The following CAMTA1 variants were observed in gnomAD, a reference collection of about 807,000 sequenced individuals.
CAMTA1 encodes the protein calmodulin-binding transcription activator 1.
In CAMTA1, 27 loss-of-function variants were observed where a neutral mutation model predicts 170.9. The observed-to-expected ratio is 0.16, with a 90% CI of 0.12 to 0.22. CAMTA1 has a LOEUF of 0.22. Among genes scored for constraint, CAMTA1 ranks in the 10% least tolerant of loss-of-function variants. The pLI is 1.00. For synonymous variants in CAMTA1, 833 were observed against 891.5 expected (o/e 0.93, Z 1.17); for missense variants, 1,619 against 2,217.2 (o/e 0.73, Z 5.42).
intron 4 of CAMTA1, among the ~76,000 whole-genome samples, chr1:7,169,992 G>A (rs191237707): frequency 1.2e-4 from 18 of 152,192 alleles, no homozygotes; most frequent in Non-Finnish European, 2.5e-4. Context: ...TGACTTTGCT[G>A]TTTGTATCTA....
chr1:6,799,107 G>T (rs2148170422), intron 1 of CAMTA1, among the ~76,000 whole-genome samples: 1 of 151,868 alleles, frequency 6.6e-6, no homozygotes, highest in Admixed American at 6.5e-5. Context: ...CAAGAGTCTT[G>T]ATCTGTCACC....
At chr1:7,034,511 C>A (rs1703290083) in intron 3 of CAMTA1, among the ~76,000 whole-genome samples, 1 of 152,210 alleles carries the variant, frequency 6.6e-6, no homozygotes, top group South Asian at 2.1e-4. Flanking sequence ...TTTCCTCATA[C>A]ACGTGCACTG....
intron 3 of CAMTA1, among the ~76,000 whole-genome samples, chr1:6,941,298 C>T (rs932761306): frequency 7.9e-5 from 12 of 152,238 alleles, no homozygotes; most frequent in Admixed American, 4.6e-4. Flanking sequence ...ATTGGGAGAC[C>T]GGGCTGTCTC....
intron 5 of CAMTA1, among the ~76,000 whole-genome samples, chr1:7,452,635 G>A (rs1261233522): frequency 6.6e-6 from 1 of 152,212 alleles, no homozygotes; most frequent in East Asian, 1.9e-4. Context: ...GTGGCCTTCT[G>A]TGCCTGGCTT....
chr1:7,429,905 C>T (rs1245021661), intron 5 of CAMTA1, among the ~76,000 whole-genome samples: 1 of 152,080 alleles, frequency 6.6e-6, no homozygotes, highest in Non-Finnish European at 1.5e-5. Flanking sequence ...AGGTGCTACA[C>T]ACTTTTAAAC....
At chr1:7,503,883 C>G (rs1445737208) in intron 6 of CAMTA1, among the ~76,000 whole-genome samples, 1 of 152,192 alleles carries the variant, frequency 6.6e-6, no homozygotes, top group Admixed American at 6.5e-5. Context: ...CTCCGCTGCC[C>G]CGCACTTGTG....
In CAMTA1 at chr1:7,324,414, A is replaced by G. The variant is rs561450917; in HGVS notation, c.438+74788A>G. On this transcript the variant is annotated intron_variant, in intron 5 of 22. Coordinates refer to ENST00000303635, the MANE Select transcript of CAMTA1 (RefSeq NM_015215.4). Reference sequence around the variant, plus strand: ...ATTCTTAAAAAAAATCCAGGCTAGTAATCTTCTATTTTGAGAATTGAATGT... The same window carrying G: ...ATTCTTAAAAAAAATCCAGGCTAGTGATCTTCTATTTTGAGAATTGAATGT... Among the ~76,000 whole-genome samples, 42 of 152,308 alleles carry G rather than the reference A, an allele frequency of 2.8e-4. 1 individual carries two copies. In the South Asian group the frequency reaches 8.3e-3, roughly 30 times the overall value.
At chr1:7,481,261 G>A (rs552902886) in intron 6 of CAMTA1, among the ~76,000 whole-genome samples, 9 of 152,218 alleles carry the variant, frequency 5.9e-5, no homozygotes, top group African/African-American at 2.2e-4. Context: ...AAGTCTCCAC[G>A]GCACTTAATG....
At chr1:6,835,339 C>A (rs1557661798) in intron 3 of CAMTA1, among the ~76,000 whole-genome samples, 1 of 152,106 alleles carries the variant, frequency 6.6e-6, no homozygotes, top group Non-Finnish European at 1.5e-5. Flanking sequence ...GGAGTTGCCT[C>A]AGGATAAAAA....
chr1:7,083,236 G>C (rs922711870), intron 3 of CAMTA1, among the ~76,000 whole-genome samples: 2 of 152,240 alleles, frequency 1.3e-5, no homozygotes, highest in Non-Finnish European at 2.9e-5. Context: ...TGAATTGCTA[G>C]TTACCATTTT....
Position 6,984,882 on chromosome 1 carries a change from A to T in CAMTA1, c.235-106422A>T, listed in dbSNP as rs367805834. Among the ~76,000 whole-genome samples the T allele has an allele frequency of 7.2e-5, 11 of 152,348 alleles. No homozygotes were observed. In the East Asian group the frequency reaches 1.7e-3, roughly 24 times the overall value. On this transcript the variant is annotated intron_variant, in intron 3 of 22. Coordinates refer to ENST00000303635, the MANE Select transcript of CAMTA1 (RefSeq NM_015215.4). ...CCAATGCCAAATTCCTGGGGACGAC[A>T]GTCTGGAGTAATCTATTACCAGGGC...
chr1:6,816,260 A>T (rs1325238048), intron 1 of CAMTA1, among the ~76,000 whole-genome samples: 2 of 152,014 alleles, frequency 1.3e-5, no homozygotes, highest in Non-Finnish European at 2.9e-5. Flanking sequence ...GTAATGCATC[A>T]CTCCATTTCA....
chr1:7,130,335 G>A (rs75289124), intron 4 of CAMTA1, among the ~76,000 whole-genome samples: 4,922 of 152,186 alleles, frequency 0.032, 227 homozygotes, highest in African/African-American at 0.11. Context: ...GTAGTATTCC[G>A]TTTTATAGAT....
intron 6 of CAMTA1, among the ~76,000 whole-genome samples, chr1:7,549,451 T>TGCCCACAGAACCTGTGCTTGGC (rs1173499427): frequency 5.3e-5 from 8 of 152,258 alleles, no homozygotes; most frequent in African/African-American, 1.9e-4. Flanking sequence ...CCCCGATTGG[T>TGCCCACAGAACCTGTGCTTGGC]GCCCACAGAA....
rs556053720 is a variant in CAMTA1 at position 6,856,955 on chromosome 1, A to G, written c.234+31745A>G. 3.3e-5 allele frequency among the ~76,000 whole-genome samples: 5 copies of G among 152,088 alleles called. No homozygotes were observed. The East Asian group carries it at 9.7e-4, about 29-fold the overall frequency. Reference sequence around the variant, plus strand: ...AGGGGGAGGTAGAGAGTGGCAGGAGAAGAGGCCACAGCAGGGGTCATGCTA... The same window carrying G: ...AGGGGGAGGTAGAGAGTGGCAGGAGGAGAGGCCACAGCAGGGGTCATGCTA... On this transcript the variant is annotated intron_variant, in intron 3 of 22. Coordinates refer to ENST00000303635, the MANE Select transcript of CAMTA1 (RefSeq NM_015215.4).
intron 5 of CAMTA1, among the ~76,000 whole-genome samples, chr1:7,406,017 C>T (rs1372811026): frequency 6.6e-6 from 1 of 152,230 alleles, no homozygotes; most frequent in Non-Finnish European, 1.5e-5. Context: ...CAGTGGGAGA[C>T]TCACAGAACA....
At chr1:7,275,722 A>C (rs765640504) in intron 5 of CAMTA1, among the ~76,000 whole-genome samples, 18 of 152,156 alleles carry the variant, frequency 1.2e-4, no homozygotes, top group Non-Finnish European at 5.9e-5. Context: ...ACAAAATGGA[A>C]AATCTGAGTA....
Position 7,642,181 on chromosome 1 carries a change from G to A in CAMTA1, c.664+1628G>A, listed in dbSNP as rs1007234049. Among the ~76,000 whole-genome samples, 3 of 152,282 alleles carry A rather than the reference G, an allele frequency of 2.0e-5. No individual in the cohort carries two copies. The highest frequency in any genetic ancestry group is 4.8e-5 in the African/African-American group (2 of 41,552). ...CCCACGGGGGAGATGTCAGCTTCCC[G>A]CGCTTCATCAGGAGGGGCCTCGTGA... is the stretch of plus-strand genomic sequence containing the variant. On this transcript the variant is annotated intron_variant, in intron 7 of 22. Transcript: ENST00000303635. This position sits in a 1 kb window ranked among gnomAD's most constrained non-coding sequence, Gnocchi z 6.3.
chr1:7,182,397 G>A (rs2148894311), intron 4 of CAMTA1, among the ~76,000 whole-genome samples: 1 of 151,734 alleles, frequency 6.6e-6, no homozygotes, highest in East Asian at 1.9e-4. Context: ...AAAAACTAAG[G>A]TGGGAGGATC....
Sources: allele counts gnomAD v4.1 joint callset (sites outside exome capture counted in the v4.1 genomes callset), GRCh38; gene constraint gnomAD v4.1.1; non-coding constraint Gnocchi (gnomAD v3.1); transcripts MANE v1.5; gene names NCBI Gene and HGNC (gene_info 2026-07-23, HGNC 2026-07-21).